OTOF: variants seen among roughly 807,000 people sequenced by gnomAD.
OTOF encodes fer-1-like family member 2.
OTOF carries 218 observed loss-of-function variants against 236.8 expected under a neutral mutation model. The observed-to-expected ratio is 0.92, with a 90% CI of 0.82 to 1.03. The LOEUF (loss-of-function observed/expected upper bound fraction) is 1.03, where lower values mean the gene tolerates loss of function less well. Among genes scored for constraint, OTOF ranks in the 50% least tolerant of loss-of-function variants. OTOF has a pLI of 0.00. For missense variants in OTOF, 2,590 were observed against 2,694.4 expected (o/e 0.96, Z 0.86); for synonymous variants, 1,041 against 1,072.5 (o/e 0.97, Z 0.57).
intron 3 of OTOF, among the ~76,000 whole-genome samples, chr2:26,523,566 G>A (rs1362011255): frequency 6.6e-6 from 1 of 152,186 alleles, no homozygotes; most frequent in Non-Finnish European, 1.5e-5. Context: ...GATGCTGAGT[G>A]TCACCCTTGA....
At chr2:26,545,653 A>G (rs1200471799) in intron 1 of OTOF, among the ~76,000 whole-genome samples, 1 of 152,088 alleles carries the variant, frequency 6.6e-6, no homozygotes, top group African/African-American at 2.4e-5. Context: ...GATGTTCTAT[A>G]TTTTCTTCTA....
In OTOF at chr2:26,473,847, G is replaced by A; in HGVS notation, c.3408+144C>T. ...ATGGGAGTGCGACTTGGTGCAGATGGGGGCAGGCCCTGGGCTGGGGCAGGA... is the reference window on the plus strand; with the variant it reads ...ATGGGAGTGCGACTTGGTGCAGATGAGGGCAGGCCCTGGGCTGGGGCAGGA... On this transcript the variant is annotated intron_variant, in intron 27 of 46. Transcript: ENST00000272371. This position sits in a 1 kb window ranked among gnomAD's most constrained non-coding sequence, Gnocchi z 7.2. 5 of 1,134,296 alleles carry A rather than the reference G, an allele frequency of 4.4e-6. No homozygotes were observed. Among genetic ancestry groups the A allele is most frequent in the South Asian group, 1.3e-5 (1 of 78,106 alleles). 70.3% of individuals were successfully genotyped at this position (1,134,296 alleles called of 1,614,324 possible).
intron 5 of OTOF, among the ~76,000 whole-genome samples, chr2:26,506,300 C>T (rs1010948107): frequency 1.3e-5 from 2 of 152,356 alleles, no homozygotes; most frequent in African/African-American, 2.4e-5. Context: ...ACTTCTTGGC[C>T]ATTCCTAGGC....
rs1665565971 is a variant in OTOF, at chr2:26,482,499, T to C, written c.1486A>G (p.Lys496Glu). 1 of 1,613,222 alleles carries C rather than the reference T, an allele frequency of 6.2e-7. No individual in the cohort carries two copies. Among genetic ancestry groups the C allele is most frequent in the South Asian group, 1.1e-5 (1 of 91,094 alleles). Residue 496 changes from lysine (K) to glutamate (E), a missense_variant, in exon 14 of 47, where the codon AAG (lysine) becomes GAG (glutamate). By Grantham distance (56) the Lys-to-Glu change is moderately conservative. Around this residue, in one of 2 missense-constraint regions of OTOF, gnomAD observed 1,379 missense variants for 1,341.6 expected, o/e 1.03. Transcript: ENST00000272371. ...DLFPPLCKRM[K>E]VQIRDSDKVN... ...TTGTCCGAGTCTCGGATCTGCACCT[T>C]CATGCGTTTGCAGAGTGGGGGGAAG...
intron 4 of OTOF, among the ~76,000 whole-genome samples, chr2:26,518,511 C>T (rs1368416094): frequency 6.6e-6 from 1 of 152,258 alleles, no homozygotes; most frequent in South Asian, 2.1e-4. Context: ...GGGTTGCTTC[C>T]TTCTTTGTTA....
chr2:26,550,723 C>T (rs985991408), intron 1 of OTOF, among the ~76,000 whole-genome samples: 4 of 152,162 alleles, frequency 2.6e-5, no homozygotes, highest in African/African-American at 4.8e-5. Flanking sequence ...TCTCTCATGG[C>T]GCCTGCTGAG....
intron 8 of OTOF, among the ~76,000 whole-genome samples, chr2:26,496,697 G>A (rs1450083389): frequency 6.6e-6 from 1 of 152,080 alleles, no homozygotes. Flanking sequence ...GTCAGTTCCT[G>A]TCAGGGTGGC....
chr2:26,495,771 C>T (rs1266481156), intron 8 of OTOF, among the ~76,000 whole-genome samples: 3 of 152,210 alleles, frequency 2.0e-5, no homozygotes, highest in South Asian at 2.1e-4. Context: ...AAGTGCCCTG[C>T]GTTCTTCCCC....
At chr2:26,544,252 A>C (rs1667277262) in intron 1 of OTOF, among the ~76,000 whole-genome samples, 4 of 152,342 alleles carry the variant, frequency 2.6e-5, no homozygotes, top group Admixed American at 2.0e-4. Flanking sequence ...AATGAGTTTC[A>C]ATAAATGCAT....
intron 1 of OTOF, 45 bp from the exon 2 acceptor site, chr2:26,537,819 A>C: frequency 7.1e-7 from 1 of 1,417,700 alleles, no homozygotes; most frequent in Non-Finnish European, 9.8e-7. Context: ...AGCTGTCCAG[A>C]CGATGAGCAT....
At chr2:26,464,786 G>A (rs1664646090) in intron 39 of OTOF, 83 bp downstream of exon 39, 1 of 1,376,616 alleles carries the variant, frequency 7.3e-7, no homozygotes, top group Non-Finnish European at 1.0e-6. Flanking sequence ...AGGCTGTGAG[G>A]TTCCCCAGGG....
chr2:26,525,448 G>A (rs1406323695), intron 3 of OTOF, among the ~76,000 whole-genome samples: 1 of 152,166 alleles, frequency 6.6e-6, no homozygotes, highest in Non-Finnish European at 1.5e-5. Flanking sequence ...TCTTTCAGTT[G>A]TCTGCTGTCT....
intron 11 of OTOF, among the ~76,000 whole-genome samples, chr2:26,488,465 C>T (rs1665752279): frequency 6.6e-6 from 1 of 152,194 alleles, no homozygotes; most frequent in Non-Finnish European, 1.5e-5. Context: ...CCTCACAAGC[C>T]CTCTGGGCCA....
rs573305279 is a variant in OTOF, at chr2:26,537,176, A to G, written c.138+540T>C. 3.9e-4 allele frequency among the ~76,000 whole-genome samples: 59 copies of G among 152,228 alleles called. 2 individuals are homozygous for G. The South Asian group carries it at 0.012, about 30-fold the overall frequency. On this transcript the variant is annotated intron_variant, in intron 2 of 46. Coordinates refer to ENST00000272371, the MANE Select transcript of OTOF (RefSeq NM_194248.3). The stretch of plus-strand genomic sequence containing the variant: ...CCCAGAGCTGTTTCTGAAAATCCAG[A>G]CTGTCTTCTGTTCCCTATGCTTCCC...
intron 1 of OTOF, among the ~76,000 whole-genome samples, chr2:26,551,046 G>A (rs564767277): frequency 6.6e-6 from 1 of 152,302 alleles, no homozygotes; most frequent in South Asian, 2.1e-4. Flanking sequence ...CTGGAGTGCA[G>A]TGGCACAATC....
rs529643761 is a variant in OTOF, at chr2:26,465,672, G to A, written c.4799C>T (p.Thr1600Ile). 1 of 1,614,180 alleles carries A rather than the reference G, an allele frequency of 6.2e-7. No homozygotes were observed. The highest frequency in any genetic ancestry group is 1.1e-5 in the South Asian group (1 of 91,092). ...ATCGIAQTYSTHGYNIWRDPM... is the reference protein window; with the variant it reads ...ATCGIAQTYSIHGYNIWRDPM... ...GCCCTCTGCCCCATGCCCCACATAC[G>A]TGGAGTAGGTCTGGGCGATGCCGCA... The change falls in exon 38 of 47, where the codon ACA (threonine) becomes ATA (isoleucine). Residue 1600 changes from threonine to isoleucine, a missense_variant and splice_region_variant. Around this residue, in one of 2 missense-constraint regions of OTOF, gnomAD observed 1,211 missense variants for 1,352.8 expected, o/e 0.90. Coordinates refer to ENST00000272371, the MANE Select transcript of OTOF (RefSeq NM_194248.3).
chr2:26,459,248 G>A (rs931417050), intron 46 of OTOF, among the ~76,000 whole-genome samples: 2 of 152,164 alleles, frequency 1.3e-5, no homozygotes, highest in Admixed American at 1.3e-4. Context: ...GCTTCTTTCT[G>A]CCAATGAAAT....
intron 4 of OTOF, among the ~76,000 whole-genome samples, chr2:26,517,666 T>C (rs892227183): frequency 4.6e-5 from 7 of 152,162 alleles, no homozygotes; most frequent in Non-Finnish European, 7.3e-5. Flanking sequence ...TCTCTGGCAT[T>C]GGAAGTCCTG....
chr2:26,552,358 C>T (rs1289109152), intron 1 of OTOF, among the ~76,000 whole-genome samples: 1 of 152,072 alleles, frequency 6.6e-6, no homozygotes, highest in Admixed American at 6.5e-5. Context: ...CCACTGCACT[C>T]CAGCGTGGGC....
Sources: allele counts gnomAD v4.1 joint callset (sites outside exome capture counted in the v4.1 genomes callset), GRCh38; gene constraint gnomAD v4.1.1; regional missense constraint gnomAD v4.1.1; non-coding constraint Gnocchi (gnomAD v3.1); transcripts MANE v1.5; gene names NCBI Gene and HGNC (gene_info 2026-07-23, HGNC 2026-07-21).